The following PTPRD variants were observed in gnomAD, a reference collection of about 807,000 sequenced individuals.
PTPRD encodes protein tyrosine phosphatase receptor type D, also known as receptor-type tyrosine-protein phosphatase delta.
Under a neutral mutation model 214.5 loss-of-function variants are expected in PTPRD, and 34 were observed. The observed-to-expected ratio is 0.16, with a 90% confidence interval of 0.12 to 0.21. The LOEUF is 0.21. Ranked by LOEUF, PTPRD falls within the 10% of genes least tolerant of loss-of-function variation. The pLI is 1.00. For synonymous variants in PTPRD, 1,128 were observed against 845.7 expected, an observed-to-expected ratio of 1.33 and a Z score of -5.79; for missense variants, 2,545 against 2,398.7, an observed-to-expected ratio of 1.06 and a Z score of -1.27.
At chr9:8,923,692 A>ACTT (rs1228820182) in intron 11 of PTPRD, among the ~76,000 whole-genome samples, 1 of 152,174 alleles carries the variant, frequency 6.6e-6, no homozygotes, top group Non-Finnish European at 1.5e-5. Context: ...AAATAACAAA[A>ACTT]CTTAGGTAAA....
At chr9:9,592,893 A>T (rs2092884226) in intron 7 of PTPRD, among the ~76,000 whole-genome samples, 1 of 151,918 alleles carries the variant, frequency 6.6e-6, no homozygotes, top group Non-Finnish European at 1.5e-5. Context: ...AAAAATACAA[A>T]AATTAGCCAG....
chr9:9,859,758 C>G (rs2062312003), intron 5 of PTPRD, among the ~76,000 whole-genome samples: 1 of 152,152 alleles, frequency 6.6e-6, no homozygotes, highest in African/African-American at 2.4e-5. Context: ...GTTTCAAGGT[C>G]AGACTCTGGA....
chr9:8,340,945 CA>C, intron 41 of PTPRD, 144 bp downstream of exon 41: 3 of 817,786 alleles, frequency 3.7e-6, no homozygotes, highest in Non-Finnish European at 5.4e-6. Flanking sequence ...TCCAAAATAA[CA>C]AAAAAACAAA....
At chr9:9,089,248 G>T (rs2099772068) in intron 10 of PTPRD, among the ~76,000 whole-genome samples, 1 of 152,096 alleles carries the variant, frequency 6.6e-6, no homozygotes, top group African/African-American at 2.4e-5. Context: ...AAATATTTTA[G>T]GCCTTATGAG....
intron 2 of PTPRD, among the ~76,000 whole-genome samples, chr9:10,420,440 CAT>C (rs2098535346): frequency 6.6e-6 from 1 of 151,764 alleles, no homozygotes; most frequent in Non-Finnish European, 1.5e-5. Context: ...TTAGGGGAGA[CAT>C]AGAGATTGGT....
chr9:10,448,571 C>A (rs1394032137), intron 2 of PTPRD, among the ~76,000 whole-genome samples: 1 of 151,958 alleles, frequency 6.6e-6, no homozygotes, highest in African/African-American at 2.4e-5. Flanking sequence ...ATATACCTTA[C>A]CGGTAGTGGT....
At chr9:9,991,360 C>CTT (rs35294285) in intron 4 of PTPRD, among the ~76,000 whole-genome samples, 3 of 149,982 alleles carry the variant, frequency 2.0e-5, no homozygotes, top group Non-Finnish European at 3.0e-5. Flanking sequence ...TCAAAATATA[C>CTT]TTTTTTTTTT....
intron 2 of PTPRD, among the ~76,000 whole-genome samples, chr9:10,602,213 T>C (rs1384533986): frequency 6.6e-6 from 1 of 151,830 alleles, no homozygotes; most frequent in East Asian, 1.9e-4. Context: ...ATAAGAAGTG[T>C]CGATCCAATT....
At position 8,510,636 on chromosome 9, in the gene PTPRD, G is replaced by A. The variant is rs146485524; in HGVS notation, c.1544-3202C>T. Among the ~76,000 whole-genome samples the A allele has an allele frequency of 7.7e-3, 1,166 of 152,174 alleles. 21 individuals are homozygous for A. Among genetic ancestry groups the A allele is most frequent in the African/African-American group, 0.026 (1,082 of 41,520 alleles). The stretch of plus-strand genomic sequence containing the variant: ...GTCTACAGGCTAGATTCAGCATATG[G>A]GCCATGAAATAAACTTTCATGATCT... On this transcript the variant is annotated intron_variant, in intron 21 of 45. Coordinates refer to ENST00000381196, the MANE Select transcript of PTPRD (RefSeq NM_002839.4).
At chr9:9,008,077 A>G (rs1282587864) in intron 11 of PTPRD, among the ~76,000 whole-genome samples, 1 of 147,196 alleles carries the variant, frequency 6.8e-6, no homozygotes, top group East Asian at 2.0e-4. Context: ...GAAAATTGAT[A>G]AAGAAAGATG....
chr9:10,093,773 G>A (rs978123590), intron 3 of PTPRD, among the ~76,000 whole-genome samples: 25 of 151,348 alleles, frequency 1.7e-4, no homozygotes, highest in Non-Finnish European at 3.0e-4. Context: ...GAACAAAATC[G>A]TGTCCTTTGC....
chr9:9,122,457 T>C (rs554583879), intron 10 of PTPRD, among the ~76,000 whole-genome samples: 2 of 152,280 alleles, frequency 1.3e-5, no homozygotes, highest in South Asian at 4.1e-4. Flanking sequence ...AGAATTAGCC[T>C]AAATCTGAAA....
At chr9:8,775,044 C>A (rs374781532) in intron 11 of PTPRD, among the ~76,000 whole-genome samples, 16 of 152,224 alleles carry the variant, frequency 1.1e-4, no homozygotes, top group African/African-American at 3.4e-4. Flanking sequence ...TAATAACCCA[C>A]AAGTCTCCAA....
intron 3 of PTPRD, among the ~76,000 whole-genome samples, chr9:10,160,727 G>C (rs536548558): frequency 2.0e-5 from 3 of 151,992 alleles, no homozygotes; most frequent in African/African-American, 7.2e-5. Context: ...CCTAGCCACA[G>C]AAATTAGTCA....
chr9:8,958,468 C>T (rs1047263614), intron 11 of PTPRD, among the ~76,000 whole-genome samples: 2 of 151,832 alleles, frequency 1.3e-5, no homozygotes, highest in African/African-American at 2.4e-5. Flanking sequence ...GGACCTTTTG[C>T]CCTAATCTCT....
At chr9:9,858,953 T>C (rs2062094690) in intron 5 of PTPRD, among the ~76,000 whole-genome samples, 2 of 152,258 alleles carry the variant, frequency 1.3e-5, no homozygotes, top group Admixed American at 1.3e-4. Flanking sequence ...ACGGTTTGGC[T>C]CTGTGCCCCC....
chr9:9,719,377 G>A (rs565131262), intron 7 of PTPRD, among the ~76,000 whole-genome samples: 4 of 152,188 alleles, frequency 2.6e-5, no homozygotes, highest in Admixed American at 2.6e-4. Flanking sequence ...TATATTTCTG[G>A]CCAGCTTGCT....
At chr9:8,355,322 T>C (rs1023597471) in intron 39 of PTPRD, among the ~76,000 whole-genome samples, 1 of 152,108 alleles carries the variant, frequency 6.6e-6, no homozygotes, top group Non-Finnish European at 1.5e-5. Flanking sequence ...CCAGAACAGG[T>C]TGTAGGCCAA....
At chr9:9,173,918 G>A (rs1006413607) in intron 10 of PTPRD, among the ~76,000 whole-genome samples, 5 of 151,896 alleles carry the variant, frequency 3.3e-5, no homozygotes, top group East Asian at 1.9e-4. Flanking sequence ...GGCTCCTACC[G>A]GCATGCTCTT....
Sources: allele counts gnomAD v4.1 joint callset (sites outside exome capture counted in the v4.1 genomes callset), GRCh38; gene constraint gnomAD v4.1.1; transcripts MANE v1.5; gene names NCBI Gene and HGNC (gene_info 2026-07-23, HGNC 2026-07-21).